Variants in SORCS2 observed in about 807,000 individuals in gnomAD.
The protein encoded by SORCS2 is VPS10 domain-containing receptor SorCS2.
In SORCS2, 100 loss-of-function variants were observed where a neutral mutation model predicts 141.6. The observed-to-expected ratio is 0.71, with a 90% CI of 0.60 to 0.83. The LOEUF is 0.83. Among genes scored for constraint, SORCS2 ranks in the 40% least tolerant of loss-of-function variants. The probability of loss-of-function intolerance (pLI) is 0.00; values close to 1 mark genes in which losing one functional copy is unlikely to be tolerated. For missense variants in SORCS2, 1,646 were observed against 1,560.2 expected (o/e 1.05, Z -0.93); for synonymous variants, 789 against 676.9 (o/e 1.17, Z -2.57).
At chr4:7,446,371 G>C (rs1219952766) in intron 2 of SORCS2, among the ~76,000 whole-genome samples, 1 of 152,180 alleles carries the variant, frequency 6.6e-6, no homozygotes, top group Non-Finnish European at 1.5e-5. Flanking sequence ...CAGCATCAGG[G>C]GCTACAGGTA....
At chr4:7,369,878 G>A (rs559034137) in intron 1 of SORCS2, among the ~76,000 whole-genome samples, 13 of 152,280 alleles carry the variant, frequency 8.5e-5, no homozygotes, top group South Asian at 6.2e-4. Context: ...CGGAGCTTTC[G>A]CACACAGTGT....
chr4:7,524,592 T>C (rs567884455), intron 2 of SORCS2, among the ~76,000 whole-genome samples: 107 of 152,096 alleles, frequency 7.0e-4, no homozygotes, highest in Non-Finnish European at 1.3e-3. Flanking sequence ...TTTGTTTTTT[T>C]TTTTTCATGT....
chr4:7,611,499 G>C (rs537097135), intron 3 of SORCS2, among the ~76,000 whole-genome samples: 2 of 152,306 alleles, frequency 1.3e-5, no homozygotes, highest in East Asian at 3.9e-4. Flanking sequence ...TCTCTGGTTT[G>C]TCATCCATTG....
intron 3 of SORCS2, among the ~76,000 whole-genome samples, chr4:7,612,918 G>T (rs1025434109): frequency 6.6e-6 from 1 of 152,226 alleles, no homozygotes; most frequent in Non-Finnish European, 1.5e-5. Flanking sequence ...AAGAAGGGCT[G>T]GGGGAGGAGA....
At position 7,505,559 on chromosome 4, in the gene SORCS2, G is replaced by C. The variant is rs116354580; in HGVS notation, c.549-25971G>C. ...AGCCCTCTCACTGTCTCTCCTTTCT[G>C]CATAATAGTGATATTGATGCCCTCC... On this transcript the variant is annotated intron_variant, in intron 2 of 26. Coordinates refer to ENST00000507866, the MANE Select transcript of SORCS2 (RefSeq NM_020777.3). Among the ~76,000 whole-genome samples, 1,047 of 152,272 alleles carry C rather than the reference G, an allele frequency of 6.9e-3. 7 individuals carry two copies. Among genetic ancestry groups the C allele is most frequent in the Non-Finnish European group, 0.012 (796 of 68,002 alleles).
intron 2 of SORCS2, among the ~76,000 whole-genome samples, chr4:7,476,347 G>C (rs895199476): frequency 6.6e-6 from 1 of 152,168 alleles, no homozygotes; most frequent in Admixed American, 6.5e-5. Flanking sequence ...ACTGAGGCAG[G>C]AGTGGGTGCA....
intron 3 of SORCS2, among the ~76,000 whole-genome samples, chr4:7,617,399 C>T (rs1182923001): frequency 3.3e-5 from 5 of 152,158 alleles, no homozygotes; most frequent in Non-Finnish European, 7.4e-5. Flanking sequence ...TACACCCTTT[C>T]CTTCCATCCA....
intron 1 of SORCS2, among the ~76,000 whole-genome samples, chr4:7,264,194 T>G (rs1034781084): frequency 6.6e-6 from 1 of 152,180 alleles, no homozygotes; most frequent in Non-Finnish European, 1.5e-5. Context: ...TGTGATTGGC[T>G]GGGGGCAGGT....
At chr4:7,718,307 C>A in intron 18 of SORCS2, 124 bp downstream of exon 18, 3 of 1,090,074 alleles carry the variant, frequency 2.8e-6, no homozygotes, top group Non-Finnish European at 2.6e-6. Flanking sequence ...TCGTCATCAG[C>A]CAGCCTGTCC....
rs142991149 is a variant in SORCS2, at chr4:7,584,987, G to T, written c.649-53341G>T. 2.6e-3 allele frequency among the ~76,000 whole-genome samples: 401 copies of T among 152,234 alleles called. 1 individual carries two copies. The highest frequency in any genetic ancestry group is 9.0e-3 in the African/African-American group (375 of 41,516). Reference sequence around the variant, plus strand: ...ATGTGAATCTCTTGTTGTGATTCCCGGCGTGACTGCATTTCTCAACATGCA... The same window carrying T: ...ATGTGAATCTCTTGTTGTGATTCCCTGCGTGACTGCATTTCTCAACATGCA... On this transcript the variant is annotated intron_variant, in intron 3 of 26. Coordinates refer to ENST00000507866, the MANE Select transcript of SORCS2 (RefSeq NM_020777.3).
At chr4:7,682,604 T>G in intron 9 of SORCS2, 139 bp from the exon 10 acceptor site, 1 of 829,032 alleles carries the variant, frequency 1.2e-6, no homozygotes, top group Non-Finnish European at 1.9e-6. Flanking sequence ...CTAGAATGTG[T>G]CTCAGCTGCT....
In SORCS2 at chr4:7,725,293, C is replaced by T. The variant is rs1470814197; in HGVS notation, c.2745+6C>T. 5 of 1,611,310 alleles carry T rather than the reference C, an allele frequency of 3.1e-6. No individual in the cohort carries two copies. The highest frequency in any genetic ancestry group is 4.2e-6 in the Non-Finnish European group (5 of 1,178,846). ...GGATCGGCCACAGCCTGCAGGTGCG[C>T]TGGCTTTGCCCCAACTCAGCCCTTC... On this transcript the variant is annotated splice_donor_region_variant and intron_variant, in intron 20 of 26. Coordinates refer to ENST00000507866, the MANE Select transcript of SORCS2 (RefSeq NM_020777.3).
At chr4:7,294,409 T>C (rs1211235406) in intron 1 of SORCS2, among the ~76,000 whole-genome samples, 1 of 151,914 alleles carries the variant, frequency 6.6e-6, no homozygotes, top group Non-Finnish European at 1.5e-5. Context: ...GGAGGCTGTG[T>C]CTCCCCGCAG....
chr4:7,648,765 C>A lies in SORCS2; in HGVS notation c.814-5369C>A, dbSNP rs886495325. On this transcript the variant is annotated intron_variant, in intron 4 of 26. Coordinates refer to ENST00000507866, the MANE Select transcript of SORCS2 (RefSeq NM_020777.3). This position sits in a 1 kb window ranked among gnomAD's most constrained non-coding sequence, Gnocchi z 4.2. ...TAGAAACCAGGGACAGGCACCAGGG[C>A]GGCCCCGGGGAGCAATGGGAGTGGA... Among the ~76,000 whole-genome samples the A allele has an allele frequency of 4.6e-5, 7 of 151,930 alleles. No homozygotes were observed. Among genetic ancestry groups the A allele is most frequent in the Non-Finnish European group, 8.8e-5 (6 of 67,972 alleles).
chr4:7,555,850 G>A (rs1002431102), intron 3 of SORCS2, among the ~76,000 whole-genome samples: 85 of 152,300 alleles, frequency 5.6e-4, no homozygotes, highest in African/African-American at 1.9e-3. Context: ...CTTGAAGAAG[G>A]TCAGTGTGAC....
chr4:7,298,489 C>G (rs2108893803), intron 1 of SORCS2, among the ~76,000 whole-genome samples: 1 of 152,266 alleles, frequency 6.6e-6, no homozygotes, highest in East Asian at 1.9e-4. Context: ...GGTCAGCGAC[C>G]CAGGCAAGGG....
intron 1 of SORCS2, among the ~76,000 whole-genome samples, chr4:7,361,807 C>A (rs528818304): frequency 6.7e-6 from 1 of 150,172 alleles, no homozygotes; most frequent in Non-Finnish European, 1.5e-5. Context: ...ATGCTAATGC[C>A]GGGCAAGGCT....
intron 1 of SORCS2, among the ~76,000 whole-genome samples, chr4:7,280,518 C>T (rs571074733): frequency 1.6e-4 from 24 of 152,320 alleles, no homozygotes; most frequent in Admixed American, 4.6e-4. Context: ...ACCCCATCAT[C>T]GTTCGCTCAT....
chr4:7,263,696 C>T (rs1714520902), intron 1 of SORCS2, among the ~76,000 whole-genome samples: 2 of 152,192 alleles, frequency 1.3e-5, no homozygotes, highest in South Asian at 4.1e-4. Flanking sequence ...GCTGCTGACT[C>T]TCCTGGGGAC....
Sources: allele counts gnomAD v4.1 joint callset (sites outside exome capture counted in the v4.1 genomes callset), GRCh38; gene constraint gnomAD v4.1.1; non-coding constraint Gnocchi (gnomAD v3.1); transcripts MANE v1.5; gene names NCBI Gene and HGNC (gene_info 2026-07-23, HGNC 2026-07-21).